The following HPS1 variants were observed in gnomAD, a reference collection of about 807,000 sequenced individuals.
HPS1 encodes the protein HPS1 biogenesis of lysosomal organelles complex 3 subunit 1, also known as BLOC-3 complex member HPS1.
HPS1 carries 59 observed loss-of-function variants against 90.6 expected under a neutral mutation model. The observed-to-expected ratio is 0.65, with a 90% confidence interval of 0.53 to 0.81. The LOEUF (loss-of-function observed/expected upper bound fraction) is 0.81. Ranked by LOEUF, HPS1 falls within the 30% of genes least tolerant of loss-of-function variation. The pLI is 0.00. For missense variants in HPS1, 849 were observed against 896.7 expected (o/e 0.95, Z 0.68); for synonymous variants, 388 against 384.4 (o/e 1.01, Z -0.11).
chr10:98,431,352 C>T (rs554637686), intron 6 of HPS1, 61 bp from the exon 7 acceptor site: 157 of 1,550,978 alleles, frequency 1.0e-4, no homozygotes, highest in Non-Finnish European at 1.3e-4. Context: ...CACTCCAAGC[C>T]CTGGGCTAGT....
chr10:98,432,562 T>C (rs1846630940), intron 6 of HPS1, among the ~76,000 whole-genome samples: 1 of 152,214 alleles, frequency 6.6e-6, no homozygotes, highest in African/African-American at 2.4e-5. Context: ...ATTTAACACA[T>C]CCCTTGAGTT....
chr10:98,446,529 C>T (rs1466814947), intron 1 of HPS1, among the ~76,000 whole-genome samples: 3 of 152,212 alleles, frequency 2.0e-5, no homozygotes, highest in Admixed American at 6.5e-5. Context: ...CCCGGCCCTG[C>T]CCCTGAGTCT....
chr10:98,425,520 G>C, intron 13 of HPS1, 21 bp downstream of exon 13: 1 of 1,601,020 alleles, frequency 6.2e-7, no homozygotes, highest in Non-Finnish European at 8.5e-7. Context: ...CAGGTGGGGA[G>C]GACTGGAACT....
At chr10:98,415,166 G>C (rs2296437), downstream of HPS1, 668 of 1,606,088 alleles carry the variant, frequency 4.2e-4, 6 homozygotes, top group East Asian at 0.014. Context: ...TGCTAGGCAG[G>C]GAGTTTGCTA....
chr10:98,437,820 T>G (rs1196216070), intron 3 of HPS1, among the ~76,000 whole-genome samples: 5 of 152,232 alleles, frequency 3.3e-5, no homozygotes, highest in Non-Finnish European at 4.4e-5. Context: ...TTAAGCTTTG[T>G]GTCCCCATCA....
chr10:98,421,413 AGGGAAAT>A (rs1236014556), intron 17 of HPS1, among the ~76,000 whole-genome samples: 1 of 152,262 alleles, frequency 6.6e-6, no homozygotes. Flanking sequence ...TCTAAACATC[AGGGAAAT>A]GGTTCAATAA....
rs11594426 is a variant in HPS1 at position 98,435,072 on chromosome 10, T to C, written c.398+200A>G. 94,203 of 627,330 alleles carry C rather than the reference T, an allele frequency of 0.15. 7,889 individuals are homozygous for C. Among genetic ancestry groups the C allele is most frequent in the South Asian group, 0.2 (10,858 of 53,068 alleles). The allele number at this position is 627,330 out of a possible 1,614,324, so 38.9% of individuals were successfully genotyped here. On this transcript the variant is annotated intron_variant, in intron 5 of 19. Coordinates refer to ENST00000361490, the MANE Select transcript of HPS1 (RefSeq NM_000195.5). The surrounding 1 kb of genome is among the most constrained non-coding windows in gnomAD (Gnocchi z 4.3). ...GACCCCAGGCAAGTGAGTTCCATTC[T>C]CTGCTCTGTTTCACCAGATATAAAG...
chr10:98,444,206 T>C (rs1939023290), intron 2 of HPS1, among the ~76,000 whole-genome samples: 1 of 152,090 alleles, frequency 6.6e-6, no homozygotes, highest in South Asian at 2.1e-4. Flanking sequence ...AGGCTGCAGC[T>C]TCTAGGGCCA....
chr10:98,428,821 C>T (rs1845954988), intron 10 of HPS1, among the ~76,000 whole-genome samples: 1 of 148,592 alleles, frequency 6.7e-6, no homozygotes. Context: ...TTTTTGTTAA[C>T]ATTTTGAATA....
intron 10 of HPS1, among the ~76,000 whole-genome samples, chr10:98,428,521 A>C (rs561361962): frequency 6.6e-6 from 1 of 152,152 alleles, no homozygotes; most frequent in East Asian, 1.9e-4. Flanking sequence ...TCCCAGGCCC[A>C]CAGACTGTAA....
Position 98,433,992 on chromosome 10 carries a change from G to A in HPS1, c.498C>T (p.Phe166=), listed in dbSNP as rs375340317. The part of the protein sequence containing the change: ...YSRLREQEQC[F]AVEALERLIH... ...CGCGCCCAGTAGTCACCTCCACGGC[G>A]AAGCACTGCTCCTGCTCCCGCAGGC... is the stretch of plus-strand genomic sequence containing the variant. Residue 166 remains phenylalanine, a synonymous_variant, in exon 6 of 20, where the codon TTC becomes TTT. Transcript: ENST00000361490. 1.9e-5 allele frequency: 29 copies of A among 1,558,092 alleles called. No individual in the cohort carries two copies. The highest frequency in any genetic ancestry group is 2.4e-5 in the East Asian group (1 of 41,762).
At chr10:98,419,209 A>G (rs1177996641) in intron 18 of HPS1, among the ~76,000 whole-genome samples, 1 of 152,074 alleles carries the variant, frequency 6.6e-6, no homozygotes, top group Non-Finnish European at 1.5e-5. Context: ...TCAGTGAACA[A>G]AGAGTGCAGG....
chr10:98,434,880 G>A (rs547885513), intron 5 of HPS1, among the ~76,000 whole-genome samples: 2 of 141,090 alleles, frequency 1.4e-5, no homozygotes, highest in Non-Finnish European at 3.2e-5. Context: ...ATGTGCATGG[G>A]TTTGTGTTTT....
intron 2 of HPS1, among the ~76,000 whole-genome samples, chr10:98,443,799 A>G (rs1053777054): frequency 6.6e-6 from 1 of 152,112 alleles, no homozygotes; most frequent in East Asian, 1.9e-4. Context: ...TTGGGAGGCC[A>G]AGGGGGGTGG....
rs1269560411 is a variant in HPS1 at position 98,445,894 on chromosome 10, T to C, written c.-105-490A>G. Among the ~76,000 whole-genome samples, 1 of 152,134 alleles carries C rather than the reference T, an allele frequency of 6.6e-6. No homozygotes were observed. Among genetic ancestry groups the C allele is most frequent in the African/African-American group, 2.4e-5 (1 of 41,428 alleles). On this transcript the variant is annotated intron_variant, in intron 1 of 19. Transcript: ENST00000361490. The surrounding 1 kb of genome is among the most constrained non-coding windows in gnomAD (Gnocchi z 4.5). ...CCATAAACCTCTCTGAGCCTCAAAC[T>C]CCTGCGGAGAAACAGAGCAACATCC...
intron 3 of HPS1, among the ~76,000 whole-genome samples, chr10:98,438,852 C>T (rs1937865948): frequency 6.6e-6 from 1 of 152,210 alleles, no homozygotes; most frequent in African/African-American, 2.4e-5. Flanking sequence ...GCCCTCTCGC[C>T]ACAGGCCTGG....
chr10:98,415,106 C>G (rs141531625), downstream of HPS1: 1 of 1,613,714 alleles, frequency 6.2e-7, no homozygotes, highest in African/African-American at 1.3e-5. Context: ...CGGCCACAGC[C>G]TTGCAGAGAC....
At chr10:98,433,571 C>T (rs1173067434) in intron 6 of HPS1, among the ~76,000 whole-genome samples, 1 of 152,164 alleles carries the variant, frequency 6.6e-6, no homozygotes, top group Non-Finnish European at 1.5e-5. Flanking sequence ...CTGCTGCTGG[C>T]CTAAGGCTAT....
downstream of HPS1, chr10:98,414,817 G>A (rs762571289): frequency 7.0e-5 from 53 of 761,794 alleles, no homozygotes; most frequent in Non-Finnish European, 8.9e-5. Context: ...AGCCAGCACC[G>A]GAATCCCAGG....
Sources: gnomAD v4.1 joint callset for allele counts (sites outside exome capture counted in the v4.1 genomes callset) on GRCh38, gnomAD v4.1.1 for gene constraint, Gnocchi (gnomAD v3.1) non-coding constraint, MANE v1.5 for transcripts, NCBI Gene and HGNC (gene_info 2026-07-23, HGNC 2026-07-21) for gene names.